The following FER1L5 variants were observed in gnomAD, a reference collection of about 807,000 sequenced individuals.
The protein encoded by FER1L5 is fer-1-like protein 5.
FER1L5 carries 187 observed loss-of-function variants against 279.9 expected under a neutral mutation model. That is an observed-to-expected ratio of 0.67 (90% confidence interval 0.59 to 0.75). FER1L5 has a LOEUF of 0.75. FER1L5 is among the 30% of genes least tolerant of loss of function. FER1L5 has a pLI of 0.00. For synonymous variants in FER1L5, 921 were observed against 989.7 expected (o/e 0.93, Z 1.30); for missense variants, 2,091 against 2,594.4 (o/e 0.81, Z 4.21).
intron 19 of FER1L5, among the ~76,000 whole-genome samples, chr2:96,679,228 GTT>G (rs764195563): frequency 7.0e-6 from 1 of 143,554 alleles, no homozygotes; most frequent in Non-Finnish European, 1.5e-5. Context: ...CACACCTATA[GTT>G]TTTTTTTTTT....
At chr2:96,682,248 G>A (rs891880570) in intron 19 of FER1L5, among the ~76,000 whole-genome samples, 2 of 152,026 alleles carry the variant, frequency 1.3e-5, no homozygotes, top group African/African-American at 2.4e-5. Context: ...CATCACACTC[G>A]GCTAATTCTT....
Position 96,702,941 on chromosome 2 carries a change from G to A in FER1L5, c.5398-37G>A, listed in dbSNP as rs1410978245. 2 of 1,586,672 alleles carry A rather than the reference G, an allele frequency of 1.3e-6. No individual in the cohort carries two copies. Among genetic ancestry groups the A allele is most frequent in the Non-Finnish European group, 1.7e-6 (2 of 1,165,858 alleles). On this transcript the variant is annotated intron_variant, in intron 48 of 52. Coordinates refer to ENST00000624922, the MANE Select transcript of FER1L5 (RefSeq NM_001293083.2). This position sits in a 1 kb window ranked among gnomAD's most constrained non-coding sequence, Gnocchi z 4.0. ...AGGGGTGCAAGGGAAACGTCCAGGAGACAGGCCGGTAACACGCCCTTCCGC... is the reference window on the plus strand; with the variant it reads ...AGGGGTGCAAGGGAAACGTCCAGGAAACAGGCCGGTAACACGCCCTTCCGC...
Position 96,691,702 on chromosome 2 carries a change from G to A in FER1L5, c.3075+90G>A, listed in dbSNP as rs1400933282. On this transcript the variant is annotated intron_variant, in intron 29 of 52. Transcript: ENST00000624922. This position sits in a 1 kb window ranked among gnomAD's most constrained non-coding sequence, Gnocchi z 6.0. ...GCCTGGCTGGGGCGCTGACTGCGGA[G>A]GAAGGGCCTCTGTTCCTCAGGCTTG... The A allele has an allele frequency of 2.6e-6, 4 of 1,542,782 alleles. No homozygotes were observed. The South Asian group carries it at 4.8e-5, about 19-fold the overall frequency.
At chr2:96,684,183 C>A in intron 19 of FER1L5, 144 bp from the exon 20 acceptor site, 9 of 1,109,352 alleles carry the variant, frequency 8.1e-6, no homozygotes, top group Middle Eastern at 2.1e-4. Context: ...AGCCTCCCAG[C>A]TGGAGGGCTC....
chr2:96,697,629 C>T (rs747418891), intron 38 of FER1L5, 31 bp from the exon 39 acceptor site: 1 of 1,613,800 alleles, frequency 6.2e-7, no homozygotes, highest in East Asian at 2.2e-5. Flanking sequence ...CTGCCCCTGC[C>T]CGAGGCCAGA....
At chr2:96,659,364 T>TTCTTTCTTTCTTTCTTTCTTTC (rs1558853661) in intron 9 of FER1L5, among the ~76,000 whole-genome samples, 2 of 20,708 alleles carry the variant, frequency 9.7e-5, no homozygotes, top group Admixed American at 6.1e-4. Context: ...CTTCCTTCCT[T>TTCTTTCTTTCTTTCTTTCTTTC]CTTTCTTTCT....
intron 14 of FER1L5, 48 bp from the exon 15 acceptor site, chr2:96,668,703 A>G: frequency 3.2e-6 from 5 of 1,549,768 alleles, no homozygotes; most frequent in Non-Finnish European, 4.4e-6. Context: ...CACGAGGGCC[A>G]GACCATCCCA....
chr2:96,647,914 A>G, intron 4 of FER1L5, 28 bp downstream of exon 4: 1 of 1,525,502 alleles, frequency 6.6e-7, no homozygotes, highest in Non-Finnish European at 8.9e-7. Flanking sequence ...AGGCCCAGGC[A>G]GGGTGGCTGG....
In FER1L5 at chr2:96,691,597, C is replaced by T. The variant is rs1450634453; in HGVS notation, c.3060C>T (p.Leu1020=). 1.3e-6 allele frequency: 2 copies of T among 1,531,010 alleles called. No individual in the cohort carries two copies. Among genetic ancestry groups the T allele is most frequent in the African/African-American group, 2.8e-5 (2 of 72,334 alleles). The allele number at this position is 1,531,010 out of a possible 1,614,324, so 94.8% of individuals were successfully genotyped here. The part of the protein sequence containing the change: ...NKDKGIAPIF[L]LEGSLAMDLK... ...ACAAGGGCATCGCGCCCATATTCCTCCTGGAGGGGTCCTTGGTAAAGCCTC... is the reference window on the plus strand; with the variant it reads ...ACAAGGGCATCGCGCCCATATTCCTTCTGGAGGGGTCCTTGGTAAAGCCTC... Residue 1020 remains leucine, a synonymous_variant, in exon 29 of 53, where the codon CTC becomes CTT. Coordinates refer to ENST00000624922, the MANE Select transcript of FER1L5 (RefSeq NM_001293083.2). The surrounding 1 kb of genome is among the most constrained non-coding windows in gnomAD (Gnocchi z 6.0).
intron 14 of FER1L5, among the ~76,000 whole-genome samples, chr2:96,667,981 C>T (rs1210693677): frequency 1.3e-5 from 2 of 152,276 alleles, no homozygotes; most frequent in Admixed American, 6.5e-5. Context: ...CCACCTCAGC[C>T]TCCTGAGTAG....
chr2:96,659,510 G>C (rs1043708069), intron 9 of FER1L5, among the ~76,000 whole-genome samples: 1 of 14,330 alleles, frequency 7.0e-5, no homozygotes, highest in Non-Finnish European at 1.1e-4. Flanking sequence ...TCTTTCTTTC[G>C]AGACAGAGTC....
chr2:96,697,553 T>TG lies in FER1L5; in HGVS notation c.4113dup (p.Phe1372ValfsTer5). 1 of 1,613,788 alleles carries TG rather than the reference T, an allele frequency of 6.2e-7. No homozygotes were observed. The highest frequency in any genetic ancestry group is 8.5e-7 in the Non-Finnish European group (1 of 1,179,802). On this transcript the variant is annotated frameshift_variant, in exon 38 of 53. Coordinates refer to ENST00000624922, the MANE Select transcript of FER1L5 (RefSeq NM_001293083.2). LOFTEE classifies it high-confidence loss of function. ...CCTAGGCTACCTCTACAGAAAGTTCTGGTTCAAGTCCAGTAAAGCAGAGGT... is the reference window on the plus strand; with the variant it reads ...CCTAGGCTACCTCTACAGAAAGTTCTGGGTTCAAGTCCAGTAAAGCAGAGGT...
chr2:96,689,347 G>A lies in FER1L5; in HGVS notation c.2496G>A (p.Gln832=). 6.4e-7 allele frequency: 1 copy of A among 1,550,434 alleles called. No individual in the cohort carries two copies. Among genetic ancestry groups the A allele is most frequent in the Non-Finnish European group, 8.7e-7 (1 of 1,146,712 alleles). Reference sequence around the variant, plus strand: ...AACCACCCCTGGGATGGCACTGGCAGGACAGCTGGACAGTGGAACCTCAGA... The same window carrying A: ...AACCACCCCTGGGATGGCACTGGCAAGACAGCTGGACAGTGGAACCTCAGA... ...DFQPPLGWHW[Q]DSWTVEPQRR... is the part of the protein sequence containing the mutation. The change falls in exon 25 of 53, where the codon CAG becomes CAA. Residue 832 remains glutamine, a synonymous_variant. Transcript: ENST00000624922. This position sits in a 1 kb window ranked among gnomAD's most constrained non-coding sequence, Gnocchi z 4.6.
intron 19 of FER1L5, among the ~76,000 whole-genome samples, chr2:96,677,663 C>T (rs916250560): frequency 2.6e-5 from 4 of 151,884 alleles, no homozygotes; most frequent in Non-Finnish European, 4.4e-5. Context: ...GTCGGGAGTT[C>T]GAGACCAGCC....
chr2:96,695,322 G>GA, intron 34 of FER1L5, 187 bp from the exon 35 acceptor site: 2 of 751,478 alleles, frequency 2.7e-6, no homozygotes, highest in Non-Finnish European at 4.1e-6. Flanking sequence ...GGCAAGCACT[G>GA]ATCCCTCACA....
intron 6 of FER1L5, among the ~76,000 whole-genome samples, chr2:96,651,403 C>CTTCT (rs761310767): frequency 1.1e-4 from 15 of 141,614 alleles, no homozygotes; most frequent in Admixed American, 8.9e-4. Flanking sequence ...TCCTCCCTCC[C>CTTCT]TTCTTTCTTT....
In FER1L5 at chr2:96,704,265, G is replaced by A. The variant is rs777178167; in HGVS notation, c.5852G>A (p.Cys1951Tyr). 1.2e-6 allele frequency: 2 copies of A among 1,613,948 alleles called. No individual in the cohort carries two copies. Among genetic ancestry groups the A allele is most frequent in the Admixed American group, 1.7e-5 (1 of 60,022 alleles). The change falls in exon 52 of 53, where the codon TGC becomes TAC. Residue 1951 changes from cysteine to tyrosine, a missense_variant. Physicochemically the swap from Cys to Tyr is radical, Grantham distance 194. Transcript: ENST00000624922. ...CTGCGGTCACCAGTTCAAAACTTCT[G>A]CTATATTTTCTGGAAACGCTATCGC... ...TWLRSPVQNF[C>Y]YIFWKRYRFK...
At position 96,703,630 on chromosome 2, in the gene FER1L5, C is replaced by T. The variant is rs762071167; in HGVS notation, c.5799C>T (p.Pro1933=). ...EPNQYPTLHP[P]LRTNTSFTWL... Reference sequence around the variant, plus strand: ...ACCAGTACCCCACACTTCATCCTCCCCTGTAAGGGTCCTTGGGGCAAAAGC... The same window carrying T: ...ACCAGTACCCCACACTTCATCCTCCTCTGTAAGGGTCCTTGGGGCAAAAGC... The change falls in exon 51 of 53, where the codon CCC becomes CCT. Residue 1933 remains proline (P), a splice_region_variant and synonymous_variant. Transcript: ENST00000624922. 6.2e-7 allele frequency: 1 copy of T among 1,613,782 alleles called. No homozygotes were observed. The highest frequency in any genetic ancestry group is 8.5e-7 in the Non-Finnish European group (1 of 1,179,812).
At chr2:96,690,638 AT>A in intron 27 of FER1L5, 49 bp downstream of exon 27, 1 of 1,492,926 alleles carries the variant, frequency 6.7e-7, no homozygotes, top group South Asian at 1.2e-5. Context: ...GGGCCTCAAA[AT>A]AACGGCAGCC....
Sources: allele counts gnomAD v4.1 joint callset (sites outside exome capture counted in the v4.1 genomes callset), GRCh38; gene constraint gnomAD v4.1.1; non-coding constraint Gnocchi (gnomAD v3.1); transcripts MANE v1.5; gene names NCBI Gene and HGNC (gene_info 2026-07-23, HGNC 2026-07-21).